Variants in PHKA1 observed in about 807,000 individuals in gnomAD.
PHKA1 encodes phosphorylase b kinase regulatory subunit alpha, skeletal muscle isoform.
In PHKA1, 60 loss-of-function variants were observed where a neutral mutation model predicts 110.2. The observed-to-expected ratio is 0.54, with a 90% confidence interval of 0.44 to 0.68. PHKA1 has a LOEUF of 0.68. PHKA1 is among the 30% of genes least tolerant of loss of function. The pLI is 0.00. For synonymous variants in PHKA1, 316 were observed against 333.6 expected, an observed-to-expected ratio of 0.95 and a Z score of 0.58; for missense variants, 801 against 942.5, an observed-to-expected ratio of 0.85 and a Z score of 1.97.
chrX:72,665,092 C>A (rs1199949524), intron 8 of PHKA1, among the ~76,000 whole-genome samples: 1 of 109,740 alleles, frequency 9.1e-6, no homozygotes, highest in Admixed American at 9.7e-5. Context: ...AAATTAAGGC[C>A]AAAAAATACA....
chrX:72,699,132 T>C (rs1205792267), intron 3 of PHKA1, among the ~76,000 whole-genome samples: 1 of 110,930 alleles, frequency 9.0e-6, no homozygotes, highest in Non-Finnish European at 1.9e-5. Context: ...ACAAGTTTTG[T>C]CTAATTCAAA....
In PHKA1 at chrX:72,624,115, T is replaced by C. The variant is rs185624629; in HGVS notation, c.1794-840A>G. Among the ~76,000 whole-genome samples the C allele has an allele frequency of 2.7e-5, 3 of 111,632 alleles. No homozygotes were observed. In the Admixed American group the frequency reaches 2.8e-4, roughly 11 times the overall value. ...ATGCAGAAACCTGGCAGATACCAGG[T>C]TGAACACTTTAACCAAGTGATCAAG... is the stretch of plus-strand genomic sequence containing the variant. On this transcript the variant is annotated intron_variant, in intron 17 of 31. Coordinates refer to ENST00000373542, the MANE Select transcript of PHKA1 (RefSeq NM_002637.4).
chrX:72,636,861 G>A (rs1455131871), intron 14 of PHKA1, among the ~76,000 whole-genome samples: 2 of 110,909 alleles, frequency 1.8e-5, no homozygotes, highest in Non-Finnish European at 3.8e-5. Context: ...TTTGCTTTAC[G>A]TAAGTGTTAT....
chrX:72,699,775 C>A (rs1364252301), intron 3 of PHKA1, among the ~76,000 whole-genome samples: 2 of 111,237 alleles, frequency 1.8e-5, no homozygotes, highest in African/African-American at 6.5e-5. Flanking sequence ...AAAGCCTCAT[C>A]TTCAGGCCCC....
intron 1 of PHKA1, 113 bp downstream of exon 1, chrX:72,713,670 TCACACACACACACACACACA>T: frequency 8.2e-6 from 4 of 486,233 alleles, no homozygotes; most frequent in South Asian, 2.8e-5. Context: ...AAGGTCTCCG[TCACACACACACACACACACA>T]CACACACACA....
At chrX:72,682,027 T>TG (rs2053890357) in intron 5 of PHKA1, among the ~76,000 whole-genome samples, 1 of 57,923 alleles carries the variant, frequency 1.7e-5, no homozygotes, top group Non-Finnish European at 3.3e-5. Flanking sequence ...GGGAGGGAGG[T>TG]GGGGGGGTCG....
At chrX:72,647,282 G>A (rs1319164773) in intron 13 of PHKA1, among the ~76,000 whole-genome samples, 1 of 112,032 alleles carries the variant, frequency 8.9e-6, no homozygotes, top group African/African-American at 3.2e-5. Context: ...GAATGTAGGA[G>A]ATGAGAGAGA....
intron 6 of PHKA1, among the ~76,000 whole-genome samples, chrX:72,673,414 A>G (rs894389422): frequency 8.9e-6 from 1 of 112,211 alleles, no homozygotes; most frequent in Non-Finnish European, 1.9e-5. Flanking sequence ...TACAATTATT[A>G]TAACTTTCCT....
chrX:72,597,901 A>G (rs2147667991), intron 28 of PHKA1, among the ~76,000 whole-genome samples: 1 of 111,479 alleles, frequency 9.0e-6, no homozygotes, highest in South Asian at 3.8e-4. Context: ...AACTCTATAA[A>G]ACCCTTAGAA....
chrX:72,657,587 C>T lies in PHKA1; in HGVS notation c.918+1G>A, dbSNP rs1006161384. The T allele has an allele frequency of 1.7e-6, 2 of 1,202,168 alleles. No individual in the cohort carries two copies. The highest frequency in any genetic ancestry group is 2.3e-6 in the Non-Finnish European group (2 of 887,131). ...ATTCATTTTGGAGAAAAGAAACCTA[C>T]CTCTTTAGGAGTTTTATATCCATCT... On this transcript the variant is annotated splice_donor_variant, in intron 9 of 31. Coordinates refer to ENST00000373542, the MANE Select transcript of PHKA1 (RefSeq NM_002637.4). LOFTEE classifies it high-confidence loss of function.
intron 4 of PHKA1, among the ~76,000 whole-genome samples, chrX:72,691,056 C>A (rs1297240494): frequency 3.5e-5 from 4 of 112,995 alleles, no homozygotes; most frequent in African/African-American, 1.3e-4. Context: ...GCATGGGCCA[C>A]CGCGCCCAGC....
chrX:72,689,344 C>A (rs180770720), intron 4 of PHKA1, among the ~76,000 whole-genome samples: 1 of 111,713 alleles, frequency 9.0e-6, no homozygotes, highest in Non-Finnish European at 1.9e-5. Context: ...AGTTGCCCCC[C>A]AGCCTAAGTA....
chrX:72,609,613 G>A lies in PHKA1; in HGVS notation c.2606+11C>T, dbSNP rs370133080. The A allele has an allele frequency of 4.1e-5, 48 of 1,170,938 alleles. No individual in the cohort carries two copies. Among genetic ancestry groups the A allele is most frequent in the Admixed American group, 2.6e-4 (12 of 45,657 alleles). ...TCTCAGAGAAGCCTGACCAAACCCAGCCATACTCACGCAGAGATAGTCTTT... is the reference window on the plus strand; with the variant it reads ...TCTCAGAGAAGCCTGACCAAACCCAACCATACTCACGCAGAGATAGTCTTT... On this transcript the variant is annotated intron_variant, in intron 23 of 31. Coordinates refer to ENST00000373542, the MANE Select transcript of PHKA1 (RefSeq NM_002637.4).
intron 16 of PHKA1, 99 bp downstream of exon 16, chrX:72,635,056 T>C: frequency 9.6e-7 from 1 of 1,039,330 alleles, no homozygotes; most frequent in Non-Finnish European, 1.3e-6. Flanking sequence ...AAAGAATAAA[T>C]TATAAGAAGT....
Position 72,667,480 on chromosome X carries a change from G to C in PHKA1, c.619-7C>G. The C allele has an allele frequency of 8.5e-7, 1 of 1,180,680 alleles. No homozygotes were observed. Among genetic ancestry groups the C allele is most frequent in the Non-Finnish European group, 1.2e-6 (1 of 867,447 alleles). ...CTAATGCTTCCAGGGCTGCCTGTGA[G>C]GAACAAGAAAGAAATGGACAAGTTT... On this transcript the variant is annotated splice_region_variant and splice_polypyrimidine_tract_variant and intron_variant, in intron 6 of 31. Coordinates refer to ENST00000373542, the MANE Select transcript of PHKA1 (RefSeq NM_002637.4).
intron 17 of PHKA1, among the ~76,000 whole-genome samples, chrX:72,626,343 G>A (rs930533969): frequency 7.3e-5 from 8 of 110,263 alleles, no homozygotes; most frequent in Non-Finnish European, 1.3e-4. Context: ...AAACTTAAGT[G>A]GAAAAAGAAA....
intron 29 of PHKA1, among the ~76,000 whole-genome samples, chrX:72,586,776 G>A (rs886624534): frequency 3.6e-5 from 4 of 110,046 alleles, no homozygotes; most frequent in Admixed American, 9.8e-5. Context: ...CAAGAACTAC[G>A]TGACGCACGC....
At chrX:72,666,393 G>A (rs2053616044) in intron 7 of PHKA1, 96 bp from the exon 8 acceptor site, 4 of 744,554 alleles carry the variant, frequency 5.4e-6, no homozygotes, top group Admixed American at 2.7e-5. Context: ...TTTTGAATAT[G>A]TTTGACAAAA....
At chrX:72,629,775 T>G (rs1732209901) in intron 16 of PHKA1, among the ~76,000 whole-genome samples, 1 of 111,576 alleles carries the variant, frequency 9.0e-6, no homozygotes, top group Non-Finnish European at 1.9e-5. Flanking sequence ...GATTTACCTA[T>G]ACTGGGTTTG....
Sources: gnomAD v4.1 joint callset for allele counts (sites outside exome capture counted in the v4.1 genomes callset) on GRCh38, gnomAD v4.1.1 for gene constraint, MANE v1.5 for transcripts, NCBI Gene and HGNC (gene_info 2026-07-23, HGNC 2026-07-21) for gene names.